The following CREB3L2 variants were observed in gnomAD, a reference collection of about 807,000 sequenced individuals.
The protein encoded by CREB3L2 is cyclic AMP-responsive element-binding protein 3-like protein 2.
In CREB3L2, 23 loss-of-function variants were observed where a neutral mutation model predicts 57.2. That is an observed-to-expected ratio of 0.40 (90% CI 0.29 to 0.57). The LOEUF (loss-of-function observed/expected upper bound fraction) is 0.57, where lower values mean the gene tolerates loss of function less well. Ranked by LOEUF, CREB3L2 falls within the 20% of genes least tolerant of loss-of-function variation. The pLI, the probability that CREB3L2 is intolerant of heterozygous loss-of-function variation, is 0.42. For missense variants in CREB3L2, 628 were observed against 634.7 expected, an observed-to-expected ratio of 0.99 and a Z score of 0.11; for synonymous variants, 268 against 265.1, an observed-to-expected ratio of 1.01 and a Z score of -0.11.
chr7:137,926,084 G>GAT (rs1486672073), intron 2 of CREB3L2, among the ~76,000 whole-genome samples: 3 of 152,192 alleles, frequency 2.0e-5, no homozygotes, highest in African/African-American at 7.2e-5. Flanking sequence ...GGAAACAACA[G>GAT]ATGCTGGCGA....
In CREB3L2 at chr7:137,880,184, T is replaced by C. The variant is rs1002481643; in HGVS notation, c.*292A>G. 2.2e-6 allele frequency: 1 copy of C among 465,086 alleles called. No homozygotes were observed. Among genetic ancestry groups the C allele is most frequent in the African/African-American group, 1.9e-5 (1 of 51,632 alleles). 28.8% of individuals were successfully genotyped at this position (465,086 alleles called of 1,614,324 possible). On this transcript the variant is annotated 3_prime_UTR_variant, in exon 12 of 12. Transcript: ENST00000330387. The surrounding 1 kb of genome is among the most constrained non-coding windows in gnomAD (Gnocchi z 4.0). Reference sequence around the variant, plus strand: ...ATTAGGCAATATCTTTTTGGCACTATTGGTGGAAACAAGCCTGCTTGTCCC... The same window carrying C: ...ATTAGGCAATATCTTTTTGGCACTACTGGTGGAAACAAGCCTGCTTGTCCC...
chr7:137,972,734 TATAGAGAGAG>T (rs1295679707), intron 1 of CREB3L2, among the ~76,000 whole-genome samples: 28 of 23,416 alleles, frequency 1.2e-3, no homozygotes, highest in African/African-American at 5.3e-3. Context: ...TATATATATA[TATAGAGAGAG>T]AGAGAGAGAG....
At chr7:137,994,204 A>G (rs1416282449) in intron 1 of CREB3L2, among the ~76,000 whole-genome samples, 1 of 152,204 alleles carries the variant, frequency 6.6e-6, no homozygotes, top group African/African-American at 2.4e-5. Flanking sequence ...ATGCCCAGCT[A>G]AGGCTTAAGG....
intron 1 of CREB3L2, among the ~76,000 whole-genome samples, chr7:137,947,979 C>A (rs1427242185): frequency 1.3e-5 from 2 of 152,302 alleles, no homozygotes; most frequent in East Asian, 3.9e-4. Context: ...GCCTCGGGCT[C>A]TGCCACTCTG....
intron 10 of CREB3L2, chr7:137,884,431 G>T (rs542779645): frequency 6.5e-6 from 1 of 154,246 alleles, no homozygotes; most frequent in Non-Finnish European, 1.4e-5. Flanking sequence ...GTATTTTTTA[G>T]TGGCGATGGG....
At position 137,908,338 on chromosome 7, in the gene CREB3L2, T is replaced by C. The variant is rs547648315; in HGVS notation, c.682A>G (p.Ser228Gly). The C allele has an allele frequency of 1.6e-6, 2 of 1,257,464 alleles. No homozygotes were observed. The highest frequency in any genetic ancestry group is 6.2e-5 in the East Asian group (2 of 32,214). The allele number at this position is 1,257,464 out of a possible 1,614,324, so 77.9% of individuals were successfully genotyped here. The change falls in exon 5 of 12, where the codon AGC (serine) becomes GGC (glycine). Residue 228 changes from serine to glycine, a missense_variant. Ser to Gly is a moderately conservative substitution (Grantham distance 56). Coordinates refer to ENST00000330387, the MANE Select transcript of CREB3L2 (RefSeq NM_194071.4). ...GAGGGGCTGTGGGTCTGAGGCAGGC[T>C]GAAGGGGTGCAGGCGTGGGTTGGGA... Reference protein sequence around the residue: ...LSPNPRLHPFSLPQTHSPSRA... With the variant: ...LSPNPRLHPFGLPQTHSPSRA...
At chr7:137,922,491 C>CACATATATATAT (rs1800352140) in intron 2 of CREB3L2, 2 of 208,564 alleles carry the variant, frequency 9.6e-6, no homozygotes, top group African/African-American at 6.3e-5. Flanking sequence ...TATATACACA[C>CACATATATATAT]ACACACACAC....
chr7:137,976,614 C>T (rs1801611427), intron 1 of CREB3L2, among the ~76,000 whole-genome samples: 2 of 152,206 alleles, frequency 1.3e-5, no homozygotes, highest in East Asian at 3.8e-4. Context: ...TCATCCATCA[C>T]CCCACTTTAT....
chr7:137,933,103 A>G (rs1800691596), intron 1 of CREB3L2, among the ~76,000 whole-genome samples: 1 of 152,250 alleles, frequency 6.6e-6, no homozygotes. Context: ...TTGCTTAAGT[A>G]GCTCCCCAAG....
rs1350040629 is a variant in CREB3L2, at chr7:137,928,203, G to A, written c.266C>T (p.Pro89Leu). Residue 89 changes from proline to leucine, a missense_variant, in exon 2 of 12, where the codon CCT becomes CTT. By Grantham distance (98) the Pro-to-Leu change is moderately conservative (BLOSUM62 -3). Transcript: ENST00000330387. ...GTGGGTGAAGGGCGACTGGGCCCGAGGCTCCTCGCACAGGGAGTAGCTGTG... is the reference window on the plus strand; with the variant it reads ...GTGGGTGAAGGGCGACTGGGCCCGAAGCTCCTCGCACAGGGAGTAGCTGTG... The part of the protein sequence containing the change: ...AEHSYSLCEE[P>L]RAQSPFTHIT... 6.2e-7 allele frequency: 1 copy of A among 1,604,880 alleles called. No homozygotes were observed. Among genetic ancestry groups the A allele is most frequent in the South Asian group, 1.1e-5 (1 of 89,788 alleles).
intron 4 of CREB3L2, among the ~76,000 whole-genome samples, chr7:137,908,660 G>A (rs1484518077): frequency 6.6e-6 from 1 of 152,114 alleles, no homozygotes; most frequent in African/African-American, 2.4e-5. Context: ...CACTGGAAGT[G>A]AATACAAGAA....
chr7:137,882,958 G>A (rs1799330833), intron 10 of CREB3L2, among the ~76,000 whole-genome samples: 1 of 152,134 alleles, frequency 6.6e-6, no homozygotes, highest in African/African-American at 2.4e-5. Context: ...ATGGAGAATG[G>A]GAGTGGAATA....
intron 1 of CREB3L2, among the ~76,000 whole-genome samples, chr7:137,968,884 C>A (rs115392444): frequency 5.9e-5 from 9 of 151,996 alleles, no homozygotes; most frequent in Admixed American, 3.3e-4. Context: ...TGTGTGTGTC[C>A]TAGGGGGTTG....
At position 137,880,699 on chromosome 7, in the gene CREB3L2, A is replaced by T; in HGVS notation, c.1488-148T>A. On this transcript the variant is annotated intron_variant, in intron 11 of 11. Coordinates refer to ENST00000330387, the MANE Select transcript of CREB3L2 (RefSeq NM_194071.4). This position sits in a 1 kb window ranked among gnomAD's most constrained non-coding sequence, Gnocchi z 4.0. ...TCTTGTCCTTTTCTCTCCTAGTAGC[A>T]ATTCTCTGTTTCCAAAGTCCCCTGC... The T allele has an allele frequency of 1.5e-6, 1 of 675,248 alleles. No homozygotes were observed. The allele number at this position is 675,248 out of a possible 1,614,324, so 41.8% of individuals were successfully genotyped here.
intron 4 of CREB3L2, among the ~76,000 whole-genome samples, chr7:137,910,201 C>T (rs1020387404): frequency 2.6e-5 from 4 of 152,162 alleles, no homozygotes; most frequent in African/African-American, 9.7e-5. Flanking sequence ...CGTCAGCCAA[C>T]CCTGGTCCCC....
At chr7:137,994,890 T>C (rs936172552) in intron 1 of CREB3L2, among the ~76,000 whole-genome samples, 3 of 152,236 alleles carry the variant, frequency 2.0e-5, no homozygotes, top group Non-Finnish European at 4.4e-5. Flanking sequence ...TGCTAGCCCA[T>C]GTTCATGAGA....
chr7:137,950,233 T>C (rs1322318089), intron 1 of CREB3L2, among the ~76,000 whole-genome samples: 1 of 152,182 alleles, frequency 6.6e-6, no homozygotes, highest in Non-Finnish European at 1.5e-5. Context: ...TTGTGGGTCA[T>C]ATGAGGGGTA....
chr7:137,901,588 A>T (rs1452811062), intron 7 of CREB3L2, among the ~76,000 whole-genome samples, 166 bp from the exon 8 acceptor site: 1 of 151,900 alleles, frequency 6.6e-6, no homozygotes, highest in Non-Finnish European at 1.5e-5. Flanking sequence ...CTTAAGAAAA[A>T]AAAAAAAATA....
chr7:137,994,363 A>G (rs888602949), intron 1 of CREB3L2, among the ~76,000 whole-genome samples: 4 of 152,224 alleles, frequency 2.6e-5, no homozygotes, highest in African/African-American at 9.6e-5. Flanking sequence ...AATGGCATTT[A>G]GCTTGCCACC....
Sources: allele counts gnomAD v4.1 joint callset (sites outside exome capture counted in the v4.1 genomes callset), GRCh38; gene constraint gnomAD v4.1.1; non-coding constraint Gnocchi (gnomAD v3.1); transcripts MANE v1.5; gene names NCBI Gene and HGNC (gene_info 2026-07-23, HGNC 2026-07-21).